Variants in JAKMIP1 observed in about 807,000 individuals in gnomAD.
JAKMIP1 encodes janus kinase and microtubule interacting protein 1.
JAKMIP1 carries 33 observed loss-of-function variants against 113.0 expected under a neutral mutation model. That is an observed-to-expected ratio of 0.29 (90% confidence interval 0.22 to 0.39). The LOEUF (loss-of-function observed/expected upper bound fraction) is 0.39, where lower values mean the gene tolerates loss of function less well. JAKMIP1 is among the 10% of genes least tolerant of loss of function. JAKMIP1 has a pLI of 1.00. For missense variants in JAKMIP1, 813 were observed against 1,080.5 expected (o/e 0.75, Z 3.47); for synonymous variants, 480 against 459.9 (o/e 1.04, Z -0.56).
In JAKMIP1 at chr4:6,040,517, AT is replaced by A. The variant is rs1280932424; in HGVS notation, c.2175+121del. The A allele has an allele frequency of 1.5e-5, 11 of 733,150 alleles. No homozygotes were observed. The allele number at this position is 733,150 out of a possible 1,614,324, so 45.4% of individuals were successfully genotyped here. A position where few individuals can be genotyped will look rare whatever the true frequency, so the allele number is the denominator to read the frequency against. ...ATTCCAGTCACAAGGTGGAGATGGC[AT>A]TTTTATCACTCCTGTTTGGCACTGG... On this transcript the variant is annotated intron_variant, in intron 18 of 20. Coordinates refer to ENST00000409021, the MANE Select transcript of JAKMIP1 (RefSeq NM_001099433.2). The surrounding 1 kb of genome is among the most constrained non-coding windows in gnomAD (Gnocchi z 5.8).
Position 6,181,234 on chromosome 4 carries a change from C to T in JAKMIP1, c.-148+19019G>A, listed in dbSNP as rs564942770. Among the ~76,000 whole-genome samples, 9 of 152,276 alleles carry T rather than the reference C, an allele frequency of 5.9e-5. No individual in the cohort carries two copies. Among genetic ancestry groups the T allele is most frequent in the African/African-American group, 2.2e-4 (9 of 41,552 alleles). On this transcript the variant is annotated intron_variant, in intron 1 of 20. Coordinates refer to ENST00000409021, the MANE Select transcript of JAKMIP1 (RefSeq NM_001099433.2). The surrounding 1 kb of genome is among the most constrained non-coding windows in gnomAD (Gnocchi z 5.4). ...AGGCTTTGTGAGATGTGCTGGTGGA[C>T]GCAGTTCACATTTCTTAGGCTTCCT...
chr4:6,090,135 T>C (rs920758102), intron 3 of JAKMIP1, among the ~76,000 whole-genome samples: 1 of 151,830 alleles, frequency 6.6e-6, no homozygotes, highest in African/African-American at 2.4e-5. Flanking sequence ...GGCAGGAGAA[T>C]TGCTTGAACC....
rs374638777 is a variant in JAKMIP1 at position 6,137,072 on chromosome 4, C to T, written c.-147-24075G>A. 6.6e-6 allele frequency among the ~76,000 whole-genome samples: 1 copy of T among 152,152 alleles called. No homozygotes were observed. Among genetic ancestry groups the T allele is most frequent in the South Asian group, 2.1e-4 (1 of 4,822 alleles). ...TCAAACTCCTACACGGTGTCCCCTC[C>T]GATGTGCCCCCACCGAGGGAATAAT... On this transcript the variant is annotated intron_variant, in intron 1 of 20. Transcript: ENST00000409021. This position sits in a 1 kb window ranked among gnomAD's most constrained non-coding sequence, Gnocchi z 4.5.
At position 6,094,712 on chromosome 4, in the gene JAKMIP1, A is replaced by C. The variant is rs1722568935; in HGVS notation, c.625-9083T>G. ...ATCCATTATAGAAAATGAAAAATAC[A>C]GCCAGACGCAGTGGCTCACGCCTAT... On this transcript the variant is annotated intron_variant, in intron 3 of 20. Transcript: ENST00000409021. The surrounding 1 kb of genome is among the most constrained non-coding windows in gnomAD (Gnocchi z 4.2). 6.6e-6 allele frequency among the ~76,000 whole-genome samples: 1 copy of C among 152,246 alleles called. No individual in the cohort carries two copies. Among genetic ancestry groups the C allele is most frequent in the Non-Finnish European group, 1.5e-5 (1 of 68,042 alleles).
At position 6,112,955 on chromosome 4, in the gene JAKMIP1, G is replaced by T; in HGVS notation, c.-105C>A. On this transcript the variant is annotated 5_prime_UTR_variant, in exon 2 of 21. It adds an upstream start codon to the 5' untranslated region. Transcript: ENST00000409021. ...CTCCACCGTGCTAACCAGTCGCGCA[G>T]GACTCAGCTCGCCCTCCGAGGAAAC... is the stretch of plus-strand genomic sequence containing the variant. The T allele has an allele frequency of 6.9e-7, 1 of 1,454,210 alleles. No homozygotes were observed. The highest frequency in any genetic ancestry group is 9.1e-7 in the Non-Finnish European group (1 of 1,095,666). 90.1% of individuals were successfully genotyped at this position (1,454,210 alleles called of 1,614,324 possible).
At chr4:6,060,205 T>G (rs565590979) in intron 11 of JAKMIP1, among the ~76,000 whole-genome samples, 129 of 152,366 alleles carry the variant, frequency 8.5e-4, no homozygotes, top group Non-Finnish European at 1.4e-3. Flanking sequence ...AAAGCCAAGT[T>G]AGAATGCCAT....
chr4:6,054,167 C>A lies in JAKMIP1; in HGVS notation c.1708-19G>T, dbSNP rs189789675. The A allele has an allele frequency of 2.0e-4, 319 of 1,613,534 alleles. 2 individuals are homozygous for A. In the African/African-American group the frequency reaches 3.9e-3, roughly 19 times the overall value. On this transcript the variant is annotated intron_variant, in intron 12 of 20. Transcript: ENST00000409021. ...TGTAAATCTAGAGCAAAGATACCTG[C>A]GGATTAACAGGATGGGTGGGAGCAC...
rs74928551 is a variant in JAKMIP1 at position 6,159,466 on chromosome 4, T to A, written c.-148+40787A>T. 3.7e-4 allele frequency among the ~76,000 whole-genome samples: 56 copies of A among 152,192 alleles called. 1 individual carries two copies. The East Asian group carries it at 0.011, about 29-fold the overall frequency. On this transcript the variant is annotated intron_variant, in intron 1 of 20. Transcript: ENST00000409021. ...ACAAATCCCAGGTTAATATTCTTAATAGATTAAGAGGTTTCAGAAGTCAAA... is the reference window on the plus strand; with the variant it reads ...ACAAATCCCAGGTTAATATTCTTAAAAGATTAAGAGGTTTCAGAAGTCAAA...
intron 11 of JAKMIP1, among the ~76,000 whole-genome samples, chr4:6,060,211 G>A (rs775352013): frequency 1.1e-4 from 16 of 152,184 alleles, no homozygotes; most frequent in Non-Finnish European, 2.1e-4. Flanking sequence ...AAGTTAGAAT[G>A]CCATACCTTG....
rs535706116 is a variant in JAKMIP1, at chr4:6,140,869, C to T, written c.-147-27872G>A. Reference sequence around the variant, plus strand: ...GCACTGGTTGGAGCTCATCTGTCCTCAGCACAGTGCCTGGTGTATGGTAGA... The same window carrying T: ...GCACTGGTTGGAGCTCATCTGTCCTTAGCACAGTGCCTGGTGTATGGTAGA... On this transcript the variant is annotated intron_variant, in intron 1 of 20. Coordinates refer to ENST00000409021, the MANE Select transcript of JAKMIP1 (RefSeq NM_001099433.2). The surrounding 1 kb of genome is among the most constrained non-coding windows in gnomAD (Gnocchi z 9.4). 6.6e-6 allele frequency among the ~76,000 whole-genome samples: 1 copy of T among 152,320 alleles called. No homozygotes were observed. Among genetic ancestry groups the T allele is most frequent in the East Asian group, 1.9e-4 (1 of 5,178 alleles).
intron 1 of JAKMIP1, among the ~76,000 whole-genome samples, chr4:6,126,662 G>T (rs1005351104): frequency 1.6e-4 from 20 of 126,294 alleles, no homozygotes; most frequent in African/African-American, 6.2e-4. Flanking sequence ...CACCACACAT[G>T]CCCCCCCCAC....
rs1198470762 is a variant in JAKMIP1, at chr4:6,184,388, C to T, written c.-148+15865G>A. Among the ~76,000 whole-genome samples, 1 of 152,200 alleles carries T rather than the reference C, an allele frequency of 6.6e-6. No homozygotes were observed. Among genetic ancestry groups the T allele is most frequent in the African/African-American group, 2.4e-5 (1 of 41,450 alleles). On this transcript the variant is annotated intron_variant, in intron 1 of 20. Transcript: ENST00000409021. The surrounding 1 kb of genome is among the most constrained non-coding windows in gnomAD (Gnocchi z 4.5). ...TCCCAGCCCACTGCTGGTTTTCAGA[C>T]TCTGCCGCCTTCCCTCCTTTCCTAG...
Position 6,067,748 on chromosome 4 carries a change from ACG to A in JAKMIP1, c.1303-2742_1303-2741del, listed in dbSNP as rs1187444860. ...CACGTTCACTCAAGCTCTTCTGCACACGCAGGTCACCCCCCTGAGCTCCACGT... is the reference window on the plus strand; with the variant it reads ...CACGTTCACTCAAGCTCTTCTGCACACAGGTCACCCCCCTGAGCTCCACGT... On this transcript the variant is annotated intron_variant, in intron 8 of 20. Transcript: ENST00000409021. The surrounding 1 kb of genome is among the most constrained non-coding windows in gnomAD (Gnocchi z 4.6). 1.1e-4 allele frequency among the ~76,000 whole-genome samples: 15 copies of A among 141,210 alleles called. No individual in the cohort carries two copies. The highest frequency in any genetic ancestry group is 2.7e-4 in the African/African-American group (10 of 36,618). 92.6% of individuals were successfully genotyped at this position (141,210 alleles called of 152,430 possible).
intron 15 of JAKMIP1, 41 bp from the exon 16 acceptor site, chr4:6,048,963 C>T (rs772848132): frequency 4.6e-6 from 7 of 1,506,188 alleles, no homozygotes; most frequent in Non-Finnish European, 6.5e-6. Context: ...ACACTGGATC[C>T]CAAATCCACG....
chr4:6,037,247 C>T (rs1007390456), intron 18 of JAKMIP1, among the ~76,000 whole-genome samples: 4 of 138,816 alleles, frequency 2.9e-5, no homozygotes, highest in South Asian at 2.3e-4. Context: ...AGAGGCTAAC[C>T]GGTATCCCTC....
chr4:6,092,683 G>A (rs896114358), intron 3 of JAKMIP1, among the ~76,000 whole-genome samples: 5 of 152,226 alleles, frequency 3.3e-5, no homozygotes, highest in African/African-American at 1.2e-4. Flanking sequence ...TTGACCCCAA[G>A]TCATTGGAAG....
chr4:6,189,453 G>A (rs1727001040), intron 1 of JAKMIP1, among the ~76,000 whole-genome samples: 1 of 152,154 alleles, frequency 6.6e-6, no homozygotes, highest in Non-Finnish European at 1.5e-5. Context: ...TTTCAGCGCA[G>A]AGTGGACCTG....
chr4:6,064,686 C>G lies in JAKMIP1; in HGVS notation c.1431+194G>C, dbSNP rs532420330. Among the ~76,000 whole-genome samples the G allele has an allele frequency of 1.5e-3, 231 of 152,234 alleles. No individual in the cohort carries two copies. Among genetic ancestry groups the G allele is most frequent in the African/African-American group, 5.2e-3 (215 of 41,548 alleles). ...GTCCCCACGTGCTGCCCTCCCATCG[C>G]CATTCATGGAGCCCACAGCTGTGGG... On this transcript the variant is annotated intron_variant, in intron 9 of 20. Coordinates refer to ENST00000409021, the MANE Select transcript of JAKMIP1 (RefSeq NM_001099433.2). This position sits in a 1 kb window ranked among gnomAD's most constrained non-coding sequence, Gnocchi z 4.3.
chr4:6,053,764 A>G, intron 13 of JAKMIP1: 1 of 1,234,062 alleles, frequency 8.1e-7, no homozygotes, highest in Non-Finnish European at 1.0e-6. Context: ...ATATTGCAAA[A>G]ACAAATTATT....
Sources: gnomAD v4.1 joint callset for allele counts (sites outside exome capture counted in the v4.1 genomes callset) on GRCh38, gnomAD v4.1.1 for gene constraint, Gnocchi (gnomAD v3.1) non-coding constraint, MANE v1.5 for transcripts, NCBI Gene and HGNC (gene_info 2026-07-23, HGNC 2026-07-21) for gene names.